WDR41: variants seen among roughly 807,000 people sequenced by gnomAD.
WDR41 encodes the protein WD repeat-containing protein 41.
Under a neutral mutation model 69.3 loss-of-function variants are expected in WDR41, and 63 were observed. That is an observed-to-expected ratio of 0.91 (90% CI 0.74 to 1.12). WDR41 has a LOEUF of 1.12. Among genes scored for constraint, WDR41 ranks in the 50% most tolerant of loss-of-function variants. The pLI is 0.00. For missense variants in WDR41, 543 were observed against 534.5 expected, an observed-to-expected ratio of 1.02 and a Z score of -0.16; for synonymous variants, 185 against 192.1, an observed-to-expected ratio of 0.96 and a Z score of 0.31.
At chr5:77,447,628 T>C (rs1799436738) in intron 8 of WDR41, among the ~76,000 whole-genome samples, 1 of 152,190 alleles carries the variant, frequency 6.6e-6, no homozygotes, top group East Asian at 1.9e-4. Context: ...GACATAGTCA[T>C]GAAGCTGGAA....
At chr5:77,466,301 A>T (rs953817788) in intron 2 of WDR41, among the ~76,000 whole-genome samples, 5 of 151,962 alleles carry the variant, frequency 3.3e-5, no homozygotes, top group African/African-American at 1.2e-4. Context: ...ACATTTTCTC[A>T]ATCAGATTAG....
chr5:77,549,586 G>A (rs1743261244), intron 1 of WDR41, among the ~76,000 whole-genome samples: 1 of 151,962 alleles, frequency 6.6e-6, no homozygotes, highest in African/African-American at 2.4e-5. Flanking sequence ...ATCTCTATGA[G>A]GAGAACTACA....
chr5:77,541,175 A>C (rs1743080759), intron 1 of WDR41, among the ~76,000 whole-genome samples: 1 of 152,184 alleles, frequency 6.6e-6, no homozygotes, highest in African/African-American at 2.4e-5. Context: ...CAACTTATAA[A>C]ATGGGAGAAA....
In WDR41 at chr5:77,459,045, T is replaced by C. The variant is rs771697876; in HGVS notation, c.411+17A>G. 1 of 1,558,658 alleles carries C rather than the reference T, an allele frequency of 6.4e-7. No individual in the cohort carries two copies. Among genetic ancestry groups the C allele is most frequent in the Non-Finnish European group, 8.7e-7 (1 of 1,143,294 alleles). ...AAATAGATTGTCATAAAAACTCATA[T>C]TTACTTAAGATTTTACCTTTACAGT... On this transcript the variant is annotated intron_variant, in intron 5 of 12. Coordinates refer to ENST00000296679, the MANE Select transcript of WDR41 (RefSeq NM_018268.4).
intron 6 of WDR41, among the ~76,000 whole-genome samples, chr5:77,453,604 T>C (rs970964715): frequency 1.3e-5 from 2 of 152,130 alleles, no homozygotes; most frequent in African/African-American, 4.8e-5. Context: ...TTGGAAAAGG[T>C]TGTTCCTGAG....
chr5:77,620,468 A>G (rs1159640836), intron 1 of WDR41: 1 of 454,968 alleles, frequency 2.2e-6, no homozygotes, highest in African/African-American at 2.0e-5. Context: ...CCCAACAAAA[A>G]CTTCACATAC....
At chr5:77,559,329 C>A (rs141239584) in intron 1 of WDR41, among the ~76,000 whole-genome samples, 132 of 152,156 alleles carry the variant, frequency 8.7e-4, no homozygotes, top group Middle Eastern at 6.8e-3. Flanking sequence ...AAATGCAGCA[C>A]CATAATTAGA....
At chr5:77,469,196 A>T (rs1800442990) in intron 2 of WDR41, among the ~76,000 whole-genome samples, 1 of 152,166 alleles carries the variant, frequency 6.6e-6, no homozygotes, top group Admixed American at 6.5e-5. Context: ...GAAGAATGAG[A>T]ACACTTGGAC....
At chr5:77,608,936 G>A (rs556113362) in intron 1 of WDR41, among the ~76,000 whole-genome samples, 2 of 152,190 alleles carry the variant, frequency 1.3e-5, no homozygotes, top group East Asian at 3.9e-4. Context: ...CTGGAAAATC[G>A]GGTCACTCCC....
At chr5:77,521,359 C>T (rs77986841) in intron 1 of WDR41, among the ~76,000 whole-genome samples, 3,100 of 152,352 alleles carry the variant, frequency 0.02, 114 homozygotes, top group African/African-American at 0.071. Context: ...TGCCGGCTCC[C>T]ATGCCACTCA....
chr5:77,536,590 A>T (rs770400024), intron 1 of WDR41, among the ~76,000 whole-genome samples: 1 of 152,214 alleles, frequency 6.6e-6, no homozygotes, highest in Non-Finnish European at 1.5e-5. Flanking sequence ...AGTCAATGAC[A>T]AACCACATAT....
chr5:77,575,062 A>C lies in WDR41; in HGVS notation c.42+45417T>G, dbSNP rs552553127. ...ATGCATTCAGAAAATTTAAAAAAAA[A>C]CAAACATATCTTATTTCCTACTGAG... On this transcript the variant is annotated intron_variant, in intron 1 of 5. Coordinates refer to the WDR41 transcript ENST00000509971. 1.6e-4 allele frequency among the ~76,000 whole-genome samples: 25 copies of C among 152,332 alleles called. 1 individual carries two copies. In the South Asian group the frequency reaches 2.7e-3, roughly 16 times the overall value.
intron 1 of WDR41, among the ~76,000 whole-genome samples, chr5:77,606,784 AAGAGTG>A (rs1561237784): frequency 6.6e-6 from 1 of 152,006 alleles, no homozygotes; most frequent in African/African-American, 2.4e-5. Context: ...GCCTACATGG[AAGAGTG>A]AGACCCTGTC....
chr5:77,617,263 G>T (rs911581498), intron 1 of WDR41, among the ~76,000 whole-genome samples: 10 of 152,186 alleles, frequency 6.6e-5, no homozygotes, highest in African/African-American at 1.9e-4. Flanking sequence ...GCCACATGGT[G>T]CTGGTGGCTA....
chr5:77,511,199 C>CTCT (rs1387786930), intron 1 of WDR41, among the ~76,000 whole-genome samples: 4 of 152,166 alleles, frequency 2.6e-5, no homozygotes, highest in Non-Finnish European at 5.9e-5. Flanking sequence ...TTAAAGCTTT[C>CTCT]TCTTACTTTC....
intron 1 of WDR41, among the ~76,000 whole-genome samples, chr5:77,533,166 C>T (rs144442076): frequency 6.6e-6 from 1 of 152,258 alleles, no homozygotes; most frequent in African/African-American, 2.4e-5. Flanking sequence ...TTCTGCCTAC[C>T]ACCTGGCGGC....
chr5:77,549,569 G>T (rs1743259819), intron 1 of WDR41, among the ~76,000 whole-genome samples: 1 of 152,090 alleles, frequency 6.6e-6, no homozygotes, highest in Non-Finnish European at 1.5e-5. Context: ...AGTTAAGGAG[G>T]TGAAAGATCT....
intron 1 of WDR41, among the ~76,000 whole-genome samples, chr5:77,549,021 A>G (rs1333177786): frequency 6.6e-6 from 1 of 152,174 alleles, no homozygotes; most frequent in Non-Finnish European, 1.5e-5. Flanking sequence ...TTCTAAGTGA[A>G]GTAACTCAGG....
chr5:77,586,082 A>T lies in WDR41; in HGVS notation c.42+34397T>A, dbSNP rs528797990. 3.0e-4 allele frequency among the ~76,000 whole-genome samples: 45 copies of T among 152,324 alleles called. 1 individual carries two copies. In the South Asian group the frequency reaches 6.4e-3, roughly 22 times the overall value. ...GCCATGCAAGTATATACTGCATTTT[A>T]AACATTTTTAGAACTTTTTTAACCA... On this transcript the variant is annotated intron_variant, in intron 1 of 5. Coordinates refer to the WDR41 transcript ENST00000509971.
Sources: allele counts gnomAD v4.1 joint callset (sites outside exome capture counted in the v4.1 genomes callset), GRCh38; gene constraint gnomAD v4.1.1; transcripts MANE v1.5; gene names NCBI Gene and HGNC (gene_info 2026-07-23, HGNC 2026-07-21).